The following RALGPS1 variants were observed in gnomAD, a reference collection of about 807,000 sequenced individuals.
RALGPS1 encodes the protein Ral GEF with PH domain and SH3 binding motif 1.
RALGPS1 carries 19 observed loss-of-function variants against 78.8 expected under a neutral mutation model. The observed-to-expected ratio is 0.24, with a 90% confidence interval of 0.17 to 0.35. The LOEUF is 0.35. RALGPS1 is among the 10% of genes least tolerant of loss of function. RALGPS1 has a pLI of 1.00. For missense variants in RALGPS1, 454 were observed against 688.3 expected (o/e 0.66, Z 3.81); for synonymous variants, 228 against 256.3 (o/e 0.89, Z 1.06).
rs754570365 is a variant in RALGPS1 at position 127,196,549 on chromosome 9, C to T, written c.1113C>T (p.Asp371=). The T allele has an allele frequency of 4.1e-5, 66 of 1,614,054 alleles. No homozygotes were observed. The highest frequency in any genetic ancestry group is 5.4e-5 in the Non-Finnish European group (64 of 1,179,998). The part of the protein sequence containing the change: ...FPSEKARHLL[D]DSVLESRSPR... ...CGGAGAAAGCAAGGCACCTACTGGACGACAGTGTCCTAGAGTCCCGCAGCC... is the reference window on the plus strand; with the variant it reads ...CGGAGAAAGCAAGGCACCTACTGGATGACAGTGTCCTAGAGTCCCGCAGCC... The change falls in exon 13 of 19, where the codon GAC becomes GAT. Residue 371 remains aspartate, a synonymous_variant. Coordinates refer to ENST00000259351, the MANE Select transcript of RALGPS1 (RefSeq NM_014636.3).
intron 11 of RALGPS1, among the ~76,000 whole-genome samples, chr9:127,176,191 A>C (rs766002364): frequency 2.0e-5 from 3 of 152,124 alleles, no homozygotes; most frequent in Non-Finnish European, 4.4e-5. Context: ...CTTGATTTTC[A>C]CAGGGTTTCC....
At chr9:126,952,187 C>A (rs115973634) in intron 1 of RALGPS1, among the ~76,000 whole-genome samples, 2,071 of 152,268 alleles carry the variant, frequency 0.014, 54 homozygotes, top group African/African-American at 0.047. Context: ...TCTCTAAAGC[C>A]AGCCCTCTTT....
chr9:127,192,995 G>T (rs1273875533), intron 11 of RALGPS1, among the ~76,000 whole-genome samples: 2 of 152,238 alleles, frequency 1.3e-5, no homozygotes, highest in African/African-American at 4.8e-5. Context: ...AGGTACAGAA[G>T]TCAGAGCTGA....
At position 127,183,436 on chromosome 9, in the gene RALGPS1, A is replaced by G. The variant is rs1331846784; in HGVS notation, c.910+8654A>G. On this transcript the variant is annotated intron_variant, in intron 11 of 18. Coordinates refer to ENST00000259351, the MANE Select transcript of RALGPS1 (RefSeq NM_014636.3). The surrounding 1 kb of genome is among the most constrained non-coding windows in gnomAD (Gnocchi z 4.0). Reference sequence around the variant, plus strand: ...ATGTTTGGGTCCCCTCCAGCCCTCAACTCTGCCAGCTTTCCTCACATGGGC... The same window carrying G: ...ATGTTTGGGTCCCCTCCAGCCCTCAGCTCTGCCAGCTTTCCTCACATGGGC... Among the ~76,000 whole-genome samples, 4 of 151,490 alleles carry G rather than the reference A, an allele frequency of 2.6e-5. No individual in the cohort carries two copies. Among genetic ancestry groups the G allele is most frequent in the African/African-American group, 7.3e-5 (3 of 41,162 alleles).
chr9:127,027,606 G>A (rs953967166), intron 4 of RALGPS1, among the ~76,000 whole-genome samples: 2 of 152,298 alleles, frequency 1.3e-5, no homozygotes, highest in East Asian at 3.9e-4. Context: ...TACTGGATGC[G>A]ACCCCCACCC....
chr9:127,084,856 CT>C (rs1411453649), intron 8 of RALGPS1, among the ~76,000 whole-genome samples: 1 of 152,196 alleles, frequency 6.6e-6, no homozygotes, highest in Non-Finnish European at 1.5e-5. Flanking sequence ...GAAAGAGCGC[CT>C]TTTAGACATG....
chr9:127,111,350 C>T (rs1374559934), intron 8 of RALGPS1, among the ~76,000 whole-genome samples: 4 of 152,242 alleles, frequency 2.6e-5, no homozygotes, highest in Admixed American at 1.3e-4. Context: ...CTGTCTCCTC[C>T]CCGTTCCCTT....
At chr9:127,206,176 G>C (rs2061920572) in intron 14 of RALGPS1, among the ~76,000 whole-genome samples, 1 of 152,238 alleles carries the variant, frequency 6.6e-6, no homozygotes, top group Non-Finnish European at 1.5e-5. Context: ...GGACACTGCT[G>C]ATCAGTAGCA....
intron 17 of RALGPS1, 63 bp downstream of exon 17, chr9:127,213,112 C>A (rs965209124): frequency 6.3e-7 from 1 of 1,593,370 alleles, no homozygotes; most frequent in African/African-American, 1.4e-5. Flanking sequence ...TCTTGCACAG[C>A]GTGCATTTTG....
intron 8 of RALGPS1, among the ~76,000 whole-genome samples, chr9:127,143,139 C>T (rs1768375): frequency 0.01 from 1,545 of 152,208 alleles, 14 homozygotes; most frequent in Non-Finnish European, 0.016. Context: ...TTTTAACCAC[C>T]GTAGATTTCC....
intron 8 of RALGPS1, among the ~76,000 whole-genome samples, chr9:127,123,261 C>T (rs1042912452): frequency 2.0e-5 from 3 of 152,258 alleles, no homozygotes; most frequent in Non-Finnish European, 2.9e-5. Context: ...GAGGCAGTGG[C>T]TTAGGACAGT....
rs981878895 is a variant in RALGPS1 at position 127,062,286 on chromosome 9, G to A, written c.484-6944G>A. 3.9e-5 allele frequency among the ~76,000 whole-genome samples: 6 copies of A among 152,186 alleles called. No homozygotes were observed. The East Asian group carries it at 1.2e-3, about 29-fold the overall frequency. ...CTAATTTTTTGTATTTTTTAGTAGAGACGGGGTTTCACCGTGTTTGCCAGG... is the reference window on the plus strand; with the variant it reads ...CTAATTTTTTGTATTTTTTAGTAGAAACGGGGTTTCACCGTGTTTGCCAGG... On this transcript the variant is annotated intron_variant, in intron 7 of 18. Transcript: ENST00000259351.
intron 8 of RALGPS1, among the ~76,000 whole-genome samples, chr9:127,133,496 C>G (rs1176210838): frequency 6.6e-6 from 1 of 152,228 alleles, no homozygotes; most frequent in African/African-American, 2.4e-5. Context: ...ATATCACCCC[C>G]TTTCTGCTAC....
chr9:126,935,371 T>G (rs2036164180), intron 1 of RALGPS1, among the ~76,000 whole-genome samples: 1 of 152,152 alleles, frequency 6.6e-6, no homozygotes, highest in Non-Finnish European at 1.5e-5. Flanking sequence ...GGCGCCCAGG[T>G]CTTGAGCTAA....
intron 11 of RALGPS1, among the ~76,000 whole-genome samples, chr9:127,177,576 A>AGCCTCG (rs2059953485): frequency 6.6e-6 from 1 of 152,116 alleles, no homozygotes; most frequent in African/African-American, 2.4e-5. Flanking sequence ...CCTCAGCCTC[A>AGCCTCG]GCCTCAGCCC....
chr9:127,203,476 A>G (rs2061753084), intron 14 of RALGPS1, among the ~76,000 whole-genome samples: 1 of 152,102 alleles, frequency 6.6e-6, no homozygotes, highest in Non-Finnish European at 1.5e-5. Flanking sequence ...TTCTCGTGTG[A>G]GGCACAGGCT....
intron 1 of RALGPS1, among the ~76,000 whole-genome samples, chr9:126,935,844 C>G (rs1453714758): frequency 6.6e-6 from 1 of 152,218 alleles, no homozygotes; most frequent in Non-Finnish European, 1.5e-5. Context: ...GTCTCTGGCT[C>G]TAGAAGTGGA....
chr9:126,937,305 C>G (rs772886279), intron 1 of RALGPS1, among the ~76,000 whole-genome samples: 5 of 152,090 alleles, frequency 3.3e-5, no homozygotes, highest in African/African-American at 7.2e-5. Flanking sequence ...ACCATTTCTC[C>G]AATACCTAAG....
At chr9:127,164,249 A>G (rs1441285360) in intron 8 of RALGPS1, among the ~76,000 whole-genome samples, 2 of 152,190 alleles carry the variant, frequency 1.3e-5, no homozygotes, top group South Asian at 2.1e-4. Context: ...TATTATTATT[A>G]TTATTAGGCA....
Sources: allele counts gnomAD v4.1 joint callset (sites outside exome capture counted in the v4.1 genomes callset), GRCh38; gene constraint gnomAD v4.1.1; non-coding constraint Gnocchi (gnomAD v3.1); transcripts MANE v1.5; gene names NCBI Gene and HGNC (gene_info 2026-07-23, HGNC 2026-07-21).